FAM227B: variants seen among roughly 807,000 people sequenced by gnomAD.
The protein encoded by FAM227B is protein FAM227B.
Under a neutral mutation model 73.8 loss-of-function variants are expected in FAM227B, and 88 were observed. The ratio of observed to expected loss-of-function variants is 1.19; its 90% CI spans 1.00 to 1.42. The LOEUF is 1.42. FAM227B is among the 40% of genes most tolerant of loss of function. FAM227B has a pLI of 0.00. For synonymous variants in FAM227B, 210 were observed against 190.5 expected, an observed-to-expected ratio of 1.10 and a Z score of -0.84; for missense variants, 632 against 590.9, an observed-to-expected ratio of 1.07 and a Z score of -0.72.
chr15:49,489,883 T>TATATATATATATATAG (rs1555505060), intron 11 of FAM227B, among the ~76,000 whole-genome samples: 6 of 22,942 alleles, frequency 2.6e-4, no homozygotes, highest in African/African-American at 7.0e-4. Context: ...TATATATATA[T>TATATATATATATATAG]AGAGAGAGAG....
chr15:49,431,540 A>T (rs1168995377), intron 11 of FAM227B, among the ~76,000 whole-genome samples: 3 of 151,718 alleles, frequency 2.0e-5, no homozygotes, highest in Non-Finnish European at 2.9e-5. Flanking sequence ...GAGGAAAAAA[A>T]TTTGATGTAT....
chr15:49,358,564 A>G (rs904355963), intron 13 of FAM227B, among the ~76,000 whole-genome samples: 1 of 149,440 alleles, frequency 6.7e-6, no homozygotes, highest in Admixed American at 6.7e-5. Context: ...AGAACTACAA[A>G]CCACTGCTCA....
intron 11 of FAM227B, among the ~76,000 whole-genome samples, chr15:49,399,699 A>G (rs1255021747): frequency 6.8e-6 from 1 of 146,288 alleles, no homozygotes; most frequent in South Asian, 2.2e-4. Context: ...TTCAATATAC[A>G]CAAATCAATA....
In FAM227B at chr15:49,415,199, C is replaced by G. The variant is rs370019432; in HGVS notation, c.1013-43800G>C. Among the ~76,000 whole-genome samples, 24 of 152,258 alleles carry G rather than the reference C, an allele frequency of 1.6e-4. No homozygotes were observed. The East Asian group carries it at 3.9e-3, about 24-fold the overall frequency. On this transcript the variant is annotated intron_variant, in intron 11 of 15. Transcript: ENST00000299338. ...AGAAAAATTGCTATTGCTAGTTTTA[C>G]CCCTCATTTTGCTGCCTTGCTACAT... is the stretch of plus-strand genomic sequence containing the variant.
intron 11 of FAM227B, among the ~76,000 whole-genome samples, chr15:49,468,520 C>G (rs560055323): frequency 6.6e-6 from 1 of 152,198 alleles, no homozygotes; most frequent in East Asian, 1.9e-4. Context: ...AGTGATCCAA[C>G]GACAAGATTA....
intron 11 of FAM227B, among the ~76,000 whole-genome samples, chr15:49,476,408 C>T (rs995544552): frequency 1.3e-5 from 2 of 151,674 alleles, no homozygotes; most frequent in Non-Finnish European, 1.5e-5. Context: ...GTTTTCCATT[C>T]CCAAACACCT....
At chr15:49,437,432 C>A (rs774442681) in intron 11 of FAM227B, among the ~76,000 whole-genome samples, 1 of 151,408 alleles carries the variant, frequency 6.6e-6, no homozygotes, top group African/African-American at 2.4e-5. Context: ...TTTAGGACTG[C>A]GCTCCACAAA....
Position 49,615,906 on chromosome 15 carries a change from T to C in FAM227B, c.-72-663A>G, listed in dbSNP as rs552179640. 8.7e-4 allele frequency among the ~76,000 whole-genome samples: 133 copies of C among 152,306 alleles called. 5 individuals are homozygous for C. In the South Asian group the frequency reaches 0.026, roughly 30 times the overall value. On this transcript the variant is annotated intron_variant, in intron 1 of 15. Transcript: ENST00000299338. ...TGGCCTGAATTTTTCTATCTTATAATGTGAAGATTTGGAATTAAGGCTATT... is the reference window on the plus strand; with the variant it reads ...TGGCCTGAATTTTTCTATCTTATAACGTGAAGATTTGGAATTAAGGCTATT...
intron 11 of FAM227B, among the ~76,000 whole-genome samples, chr15:49,391,764 A>C (rs2047225370): frequency 6.6e-6 from 1 of 152,164 alleles, no homozygotes; most frequent in Non-Finnish European, 1.5e-5. Context: ...CAATGTATTA[A>C]TATAACCTCC....
At chr15:49,496,962 T>C (rs576767478) in intron 11 of FAM227B, among the ~76,000 whole-genome samples, 29 of 149,706 alleles carry the variant, frequency 1.9e-4, no homozygotes, top group African/African-American at 7.3e-4. Flanking sequence ...CACACACAGC[T>C]ATAGAGAAAG....
chr15:49,615,261 C>A lies in FAM227B; in HGVS notation c.-72-18G>T. Reference sequence around the variant, plus strand: ...CGACCAAACTGGGGTATGAAAGACACCCAAATGCAAAAATAAATGACTCAG... The same window carrying A: ...CGACCAAACTGGGGTATGAAAGACAACCAAATGCAAAAATAAATGACTCAG... On this transcript the variant is annotated intron_variant, in intron 1 of 15. Transcript: ENST00000299338. 1 of 1,049,638 alleles carries A rather than the reference C, an allele frequency of 9.5e-7. No homozygotes were observed. Among genetic ancestry groups the A allele is most frequent in the Non-Finnish European group, 1.5e-6 (1 of 668,708 alleles). 65.0% of individuals were successfully genotyped at this position (1,049,638 alleles called of 1,614,324 possible). A position where few individuals can be genotyped will look rare whatever the true frequency, so the allele number is the denominator to read the frequency against.
intron 2 of FAM227B, 73 bp downstream of exon 2, chr15:49,615,048 G>T (rs1013502041): frequency 1.5e-6 from 2 of 1,367,572 alleles, no homozygotes; most frequent in African/African-American, 2.9e-5. Flanking sequence ...CTACCTGGGA[G>T]CCCTGATTAC....
rs901321582 is a variant in FAM227B at position 49,329,964 on chromosome 15, A to G, written c.1420-1289T>C. On this transcript the variant is annotated intron_variant, in intron 15 of 15. Coordinates refer to ENST00000299338, the MANE Select transcript of FAM227B (RefSeq NM_152647.3). ...ATTCTAAGCGAGGGATCTATTCTATATTTGTTTTGATTTCTCTCGATAAAA... is the reference window on the plus strand; with the variant it reads ...ATTCTAAGCGAGGGATCTATTCTATGTTTGTTTTGATTTCTCTCGATAAAA... 3 of 156,550 alleles carry G rather than the reference A, an allele frequency of 1.9e-5. No homozygotes were observed. The Admixed American group carries it at 2.0e-4, about 10-fold the overall frequency. 9.7% of individuals were successfully genotyped at this position (156,550 alleles called of 1,614,324 possible).
In FAM227B at chr15:49,354,898, C is replaced by T. The variant is rs542669127; in HGVS notation, c.1271+12550G>A. ...CAGCATGCAGCTGGAGATCTGAGAA[C>T]GGGCAGACTGCCTCCTCAAGTGGGT... On this transcript the variant is annotated intron_variant, in intron 13 of 15. Transcript: ENST00000299338. Among the ~76,000 whole-genome samples the T allele has an allele frequency of 9.8e-4, 149 of 151,802 alleles. 5 individuals are homozygous for T. The South Asian group carries it at 0.027, about 28-fold the overall frequency.
In FAM227B at chr15:49,328,688, T is replaced by C. The variant is rs1164919709; in HGVS notation, c.1420-13A>G. 11 of 1,550,894 alleles carry C rather than the reference T, an allele frequency of 7.1e-6. No individual in the cohort carries two copies. The highest frequency in any genetic ancestry group is 1.4e-5 in the African/African-American group (1 of 73,130). On this transcript the variant is annotated splice_polypyrimidine_tract_variant and intron_variant, in intron 15 of 15. Coordinates refer to ENST00000299338, the MANE Select transcript of FAM227B (RefSeq NM_152647.3). Reference sequence around the variant, plus strand: ...CAGCTTCGGAACGCTATGAAAATAATACATGATTAAAGTTTCACAGATCTT... The same window carrying C: ...CAGCTTCGGAACGCTATGAAAATAACACATGATTAAAGTTTCACAGATCTT...
chr15:49,379,744 G>T (rs917870879), intron 11 of FAM227B, among the ~76,000 whole-genome samples: 2 of 152,146 alleles, frequency 1.3e-5, no homozygotes, highest in Admixed American at 6.5e-5. Context: ...CCCAAACAGG[G>T]TTTCTTTCTC....
intron 9 of FAM227B, among the ~76,000 whole-genome samples, chr15:49,547,785 C>T (rs867977361): frequency 6.6e-6 from 1 of 152,152 alleles, no homozygotes; most frequent in Non-Finnish European, 1.5e-5. Flanking sequence ...CAATCCTAAA[C>T]TTATATGCAT....
intron 11 of FAM227B, among the ~76,000 whole-genome samples, chr15:49,413,372 C>CACCATGATTGTGAGGCCTCCCCA (rs1274431375): frequency 2.6e-5 from 4 of 152,046 alleles, no homozygotes; most frequent in Non-Finnish European, 5.9e-5. Context: ...CCTTGTCTTC[C>CACCATGATTGTGAGGCCTCCCCA]ACCATGATTG....
chr15:49,613,189 A>T (rs1019309843), intron 2 of FAM227B, among the ~76,000 whole-genome samples: 1 of 152,072 alleles, frequency 6.6e-6, no homozygotes, highest in Non-Finnish European at 1.5e-5. Flanking sequence ...AATCTCCATA[A>T]AAAATTTTAA....
Sources: allele counts gnomAD v4.1 joint callset (sites outside exome capture counted in the v4.1 genomes callset), GRCh38; gene constraint gnomAD v4.1.1; transcripts MANE v1.5; gene names NCBI Gene and HGNC (gene_info 2026-07-23, HGNC 2026-07-21).